The following C1orf159 variants were observed in gnomAD, a reference collection of about 807,000 sequenced individuals.
C1orf159 encodes the protein uncharacterized protein C1orf159.
C1orf159 carries 19 observed loss-of-function variants against 25.6 expected under a neutral mutation model. That is an observed-to-expected ratio of 0.74 (90% CI 0.52 to 1.09). The LOEUF is 1.09. C1orf159 is among the 50% of genes least tolerant of loss of function. The pLI, the probability that C1orf159 is intolerant of heterozygous loss-of-function variation, is 0.00. For missense variants in C1orf159, 274 were observed against 290.6 expected, an observed-to-expected ratio of 0.94 and a Z score of 0.42; for synonymous variants, 139 against 124.7, an observed-to-expected ratio of 1.12 and a Z score of -0.77.
chr1:1,087,383 G>T lies in C1orf159; in HGVS notation c.244+119C>A. Reference sequence around the variant, plus strand: ...AGACTCGGGAAGAGGGGGCTCCCGGGGCTGTTCCCCAGTGGACAGTGGCTC... The same window carrying T: ...AGACTCGGGAAGAGGGGGCTCCCGGTGCTGTTCCCCAGTGGACAGTGGCTC... On this transcript the variant is annotated intron_variant, in intron 5 of 9. Transcript: ENST00000421241. This position sits in a 1 kb window ranked among gnomAD's most constrained non-coding sequence, Gnocchi z 8.3. The T allele has an allele frequency of 8.4e-7, 1 of 1,194,832 alleles. No homozygotes were observed. The allele number at this position is 1,194,832 out of a possible 1,614,324, so 74.0% of individuals were successfully genotyped here.
chr1:1,106,004 C>G (rs561343873), intron 1 of C1orf159: 1 of 152,094 alleles, frequency 6.6e-6, no homozygotes, highest in African/African-American at 2.4e-5. Flanking sequence ...AACTGGAGTC[C>G]GCTCGCTGAG....
chr1:1,084,656 G>C (rs1645800874), intron 7 of C1orf159, 150 bp from the exon 8 acceptor site: 3 of 971,888 alleles, frequency 3.1e-6, no homozygotes, highest in Non-Finnish European at 4.6e-6. Context: ...GGGGCTGCAG[G>C]GTCTCCCCCA....
chr1:1,088,201 C>CT (rs1287201074), intron 4 of C1orf159, among the ~76,000 whole-genome samples: 1 of 58,048 alleles, frequency 1.7e-5, no homozygotes, highest in Admixed American at 1.4e-4. Flanking sequence ...TCCCCCAGGA[C>CT]CCCCCCCCCA....
At position 1,092,091 on chromosome 1, in the gene C1orf159, C is replaced by T; in HGVS notation, c.-123G>A. 3 of 435,950 alleles carry T rather than the reference C, an allele frequency of 6.9e-6. No homozygotes were observed. Among genetic ancestry groups the T allele is most frequent in the South Asian group, 4.8e-5 (3 of 61,950 alleles). The allele number at this position is 435,950 out of a possible 1,614,324, so 27.0% of individuals were successfully genotyped here. ...CATGGGCTCAGCTGAGCCCTGCAGA[C>T]CCCGGCCCAGTCCTGCAGATGAAGA... is the stretch of plus-strand genomic sequence containing the variant. On this transcript the variant is annotated 5_prime_UTR_variant, in exon 2 of 10. Transcript: ENST00000421241.
Position 1,083,309 on chromosome 1 carries a change from G to A in C1orf159, c.503-322C>T, listed in dbSNP as rs1174704463. The A allele has an allele frequency of 9.3e-6, 3 of 322,698 alleles. No homozygotes were observed. In the Admixed American group the frequency reaches 1.4e-4, roughly 15 times the overall value. 20.0% of individuals were successfully genotyped at this position (322,698 alleles called of 1,614,324 possible). On this transcript the variant is annotated intron_variant, in intron 9 of 9. Transcript: ENST00000421241. ...TATCATGCACCTCAGGGGGCGACAA[G>A]CAGGCCGTAGTCCCAAGACCTCGAA... is the stretch of plus-strand genomic sequence containing the variant.
Position 1,087,452 on chromosome 1 carries a change from C to G in C1orf159, c.244+50G>C, listed in dbSNP as rs762698287. The G allele has an allele frequency of 1.4e-6, 2 of 1,466,500 alleles. No individual in the cohort carries two copies. Among genetic ancestry groups the G allele is most frequent in the Non-Finnish European group, 1.9e-6 (2 of 1,075,868 alleles). 90.8% of individuals were successfully genotyped at this position (1,466,500 alleles called of 1,614,324 possible). ...CAGACAGCAACTCCCACAGTGTCTC[C>G]CACAGCTGGAGCTGTGAGAAGGGAG... On this transcript the variant is annotated intron_variant, in intron 5 of 9. Coordinates refer to ENST00000421241, the MANE Select transcript of C1orf159 (RefSeq NM_017891.5). This position sits in a 1 kb window ranked among gnomAD's most constrained non-coding sequence, Gnocchi z 8.3.
At chr1:1,084,459 C>T in intron 8 of C1orf159, 22 bp downstream of exon 8, 1 of 1,570,172 alleles carries the variant, frequency 6.4e-7, no homozygotes, top group Middle Eastern at 1.7e-4. Flanking sequence ...GACGCTCAGC[C>T]CGGATGATGT....
At chr1:1,115,515 ACCC>A (rs1646324082) in intron 1 of C1orf159, among the ~76,000 whole-genome samples, 1 of 38,624 alleles carries the variant, frequency 2.6e-5, no homozygotes, top group Non-Finnish European at 4.9e-5. Flanking sequence ...TGCCCCGAGA[ACCC>A]CCTCCCCTCC....
chr1:1,088,150 C>T (rs1386783669), intron 4 of C1orf159, among the ~76,000 whole-genome samples: 2 of 136,738 alleles, frequency 1.5e-5, no homozygotes. Context: ...AGGCCTCCCC[C>T]AAGACCCCCC....
At chr1:1,114,267 C>G (rs1384858674) in intron 1 of C1orf159, among the ~76,000 whole-genome samples, 1 of 152,074 alleles carries the variant, frequency 6.6e-6, no homozygotes. Context: ...TAGAGGGGGG[C>G]CCCTCTTCTG....
chr1:1,090,426 G>C lies in C1orf159; in HGVS notation c.75C>G (p.Ala25=). ...CATCCACACAGCACTCGGGCAGCTG[G>C]GCCTGGAGGGGACACGGCAGTGAAA... ...GVASKSMENT[A]QLPECCVDVV... is the part of the protein sequence containing the mutation. Residue 25 remains alanine, a splice_region_variant and synonymous_variant, in exon 4 of 10, where the codon GCC becomes GCG. Transcript: ENST00000421241. 6.4e-7 allele frequency: 1 copy of C among 1,550,484 alleles called. No individual in the cohort carries two copies. The highest frequency in any genetic ancestry group is 8.7e-7 in the Non-Finnish European group (1 of 1,146,922).
In C1orf159 at chr1:1,091,488, T is replaced by C; in HGVS notation, c.56A>G (p.Lys19Arg). Residue 19 changes from lysine to arginine, a missense_variant, in exon 3 of 10, where the codon AAG becomes AGG. Lys to Arg is a conservative substitution (Grantham distance 26). Transcript: ENST00000421241. ...LAGLLVGVAS[K>R]SMENTAQLPE... ...GGCACCTACCGTGTTCTCCATGGACTTGCTGGCGACTCCCACGAGAAGGCC... is the reference window on the plus strand; with the variant it reads ...GGCACCTACCGTGTTCTCCATGGACCTGCTGGCGACTCCCACGAGAAGGCC... The C allele has an allele frequency of 6.5e-7, 1 of 1,550,274 alleles. No homozygotes were observed. Among genetic ancestry groups the C allele is most frequent in the African/African-American group, 1.4e-5 (1 of 73,126 alleles).
At chr1:1,083,315 C>A in intron 9 of C1orf159, 1 of 317,208 alleles carries the variant, frequency 3.2e-6, no homozygotes, top group African/African-American at 2.2e-5. Context: ...ACAAGCAGGC[C>A]GTAGTCCCAA....
At chr1:1,103,106 G>A (rs901870815) in intron 1 of C1orf159, among the ~76,000 whole-genome samples, 1 of 152,130 alleles carries the variant, frequency 6.6e-6, no homozygotes. Context: ...GCCTCCCAAA[G>A]TGCTGGGATT....
chr1:1,084,672 T>A (rs1007375657), intron 7 of C1orf159, among the ~76,000 whole-genome samples, 166 bp from the exon 8 acceptor site: 2 of 152,022 alleles, frequency 1.3e-5, no homozygotes, highest in Non-Finnish European at 2.9e-5. Flanking sequence ...CCCCAACCTC[T>A]CCCTGCGGTG....
intron 1 of C1orf159, among the ~76,000 whole-genome samples, chr1:1,099,650 T>C (rs12731588): frequency 0.067 from 6,347 of 95,206 alleles, 7 homozygotes; most frequent in African/African-American, 0.2. Context: ...TTAAAATCTC[T>C]GACTATGATT....
At position 1,088,523 on chromosome 1, in the gene C1orf159, G is replaced by A. The variant is rs564018196; in HGVS notation, c.149-926C>T. Among the ~76,000 whole-genome samples, 4 of 150,440 alleles carry A rather than the reference G, an allele frequency of 2.7e-5. 1 individual carries two copies. The highest frequency in any genetic ancestry group is 9.8e-5 in the African/African-American group (4 of 40,838). ...TGGCACCCTCCCCCGGGTCTCTCTC[G>A]GGGGATCCTGCAGAACCAAGCCTCA... On this transcript the variant is annotated intron_variant, in intron 4 of 9. Coordinates refer to ENST00000421241, the MANE Select transcript of C1orf159 (RefSeq NM_017891.5).
Position 1,110,692 on chromosome 1 carries a change from A to G in C1orf159, c.-136+5368T>C, listed in dbSNP as rs1646245249. On this transcript the variant is annotated intron_variant, in intron 1 of 9. Coordinates refer to ENST00000421241, the MANE Select transcript of C1orf159 (RefSeq NM_017891.5). This position sits in a 1 kb window ranked among gnomAD's most constrained non-coding sequence, Gnocchi z 4.8. ...GGCACGTTCCCAAGAGAAACAACAC[A>G]CGCCCGCCAAACACGTGCACAAAAA... Among the ~76,000 whole-genome samples the G allele has an allele frequency of 6.6e-6, 1 of 151,940 alleles. No homozygotes were observed. Among genetic ancestry groups the G allele is most frequent in the Non-Finnish European group, 1.5e-5 (1 of 68,012 alleles).
chr1:1,086,694 C>T (rs905964916), intron 6 of C1orf159, among the ~76,000 whole-genome samples: 6 of 152,242 alleles, frequency 3.9e-5, no homozygotes, highest in Non-Finnish European at 8.8e-5. Flanking sequence ...GCAATGGACC[C>T]AGGCCAGCTC....
Sources: gnomAD v4.1 joint callset for allele counts (sites outside exome capture counted in the v4.1 genomes callset) on GRCh38, gnomAD v4.1.1 for gene constraint, Gnocchi (gnomAD v3.1) non-coding constraint, MANE v1.5 for transcripts, NCBI Gene and HGNC (gene_info 2026-07-23, HGNC 2026-07-21) for gene names.